The following ARL2BP variants were observed in gnomAD, a reference collection of about 807,000 sequenced individuals.
The protein encoded by ARL2BP is ADP-ribosylation factor-like protein 2-binding protein.
ARL2BP carries 19 observed loss-of-function variants against 24.2 expected under a neutral mutation model. The ratio of observed to expected loss-of-function variants is 0.79; its 90% confidence interval spans 0.55 to 1.15. ARL2BP has a LOEUF of 1.15. Ranked by LOEUF, ARL2BP falls within the 50% of genes most tolerant of loss-of-function variation. ARL2BP has a pLI of 0.00. For synonymous variants in ARL2BP, 56 were observed against 70.5 expected (o/e 0.79, Z 1.03); for missense variants, 160 against 190.4 (o/e 0.84, Z 0.94).
rs1254641904 is a variant in ARL2BP at position 57,252,181 on chromosome 16, G to A, written c.406G>A (p.Gly136Arg). 17 of 1,614,140 alleles carry A rather than the reference G, an allele frequency of 1.1e-5. No homozygotes were observed. Among genetic ancestry groups the A allele is most frequent in the Admixed American group, 1.7e-5 (1 of 60,018 alleles). ...TCTCATATAGGAAAAAGAAGGCCGA[G>A]GACTGGACTTAAGCAGTGGCTTAGT... is the stretch of plus-strand genomic sequence containing the variant. ...LDYRAEKEGR[G>R]LDLSSGLVVT... is the part of the protein sequence containing the mutation. The change falls in exon 6 of 6, where the codon GGA becomes AGA. Residue 136 changes from glycine (G) to arginine (R), a missense_variant. Transcript: ENST00000219204.
intron 3 of ARL2BP, chr16:57,249,461 C>T (rs932976476): frequency 2.9e-6 from 1 of 345,670 alleles, no homozygotes; most frequent in Non-Finnish European, 5.3e-6. Context: ...GGAGGCAAAG[C>T]CCCCACTTAC....
Position 57,249,504 on chromosome 16 carries a change from C to T in ARL2BP, c.208-263C>T, listed in dbSNP as rs1229826753. ...TGCACTGGGTTGTGGGTGTGGGTAC[C>T]GTGCTACTCACTGTCTCCACCTGTG... On this transcript the variant is annotated intron_variant, in intron 3 of 5. Coordinates refer to ENST00000219204, the MANE Select transcript of ARL2BP (RefSeq NM_012106.4). 2.7e-5 allele frequency: 13 copies of T among 475,240 alleles called. No individual in the cohort carries two copies. The Admixed American group carries it at 3.9e-4, about 14-fold the overall frequency. 29.4% of individuals were successfully genotyped at this position (475,240 alleles called of 1,614,324 possible).
chr16:57,249,948 G>C, intron 4 of ARL2BP, 96 bp downstream of exon 4: 1 of 1,142,264 alleles, frequency 8.8e-7, no homozygotes, highest in East Asian at 2.3e-5. Context: ...TTGTTTTCCT[G>C]TGCATGCCGT....
At chr16:57,250,290 TA>T in intron 4 of ARL2BP, 120 bp from the exon 5 acceptor site, 3 of 836,108 alleles carry the variant, frequency 3.6e-6, no homozygotes, top group Non-Finnish European at 5.7e-6. Context: ...ACCCAGTCTC[TA>T]AAAAAACAAA....
At chr16:57,246,273 C>A in intron 2 of ARL2BP, 132 bp downstream of exon 2, 1 of 854,162 alleles carries the variant, frequency 1.2e-6, no homozygotes, top group Non-Finnish European at 1.9e-6. Context: ...CAATGTAATA[C>A]TTAAGTAAAG....
At chr16:57,249,961 G>A (rs943028520) in intron 4 of ARL2BP, 109 bp downstream of exon 4, 58 of 999,308 alleles carry the variant, frequency 5.8e-5, no homozygotes, top group Non-Finnish European at 2.2e-5. Context: ...CATGCCGTTG[G>A]TGGTTAGGTC....
At position 57,249,809 on chromosome 16, in the gene ARL2BP, C is replaced by T. The variant is rs150513555; in HGVS notation, c.250C>T (p.Arg84Trp). ...EKYIEEQLLQ[R>W]IPEFNMAAFT... The stretch of plus-strand genomic sequence containing the variant: ...ATACATTGAAGAACAGCTGCTGCAG[C>T]GGATTCCTGAGTTCAACATGGCAGC... Residue 84 changes from arginine (R) to tryptophan (W), a missense_variant, in exon 4 of 6, where the codon CGG becomes TGG. Physicochemically the swap from Arg to Trp is moderately radical, Grantham distance 101. Coordinates refer to ENST00000219204, the MANE Select transcript of ARL2BP (RefSeq NM_012106.4). 78 of 1,614,094 alleles carry T rather than the reference C, an allele frequency of 4.8e-5. No individual in the cohort carries two copies. The Middle Eastern group carries it at 1.2e-3, about 24-fold the overall frequency.
chr16:57,251,940 G>T, intron 5 of ARL2BP: 1 of 473,920 alleles, frequency 2.1e-6, no homozygotes, highest in Admixed American at 3.6e-5. Flanking sequence ...ACTCCAGCCT[G>T]GGTGACAGAG....
intron 2 of ARL2BP, among the ~76,000 whole-genome samples, chr16:57,248,089 A>AGAT (rs1323360140): frequency 1.3e-5 from 2 of 151,966 alleles, no homozygotes; most frequent in African/African-American, 2.4e-5. Context: ...GGAGGCAGGC[A>AGAT]GATCACCTGA....
At chr16:57,248,414 G>C in intron 2 of ARL2BP, 123 bp from the exon 3 acceptor site, 1 of 488,550 alleles carries the variant, frequency 2.0e-6, no homozygotes, top group East Asian at 3.3e-5. Context: ...TAAAACATCA[G>C]CTTTCCTTCC....
intron 1 of ARL2BP, chr16:57,245,747 C>T (rs1307806740): frequency 5.9e-6 from 3 of 512,190 alleles, no homozygotes; most frequent in African/African-American, 2.0e-5. Flanking sequence ...TCCCGGACTC[C>T]TGACCAAATG....
intron 4 of ARL2BP, 129 bp from the exon 5 acceptor site, chr16:57,250,282 C>G (rs2146430215): frequency 1.3e-6 from 1 of 752,508 alleles, no homozygotes; most frequent in African/African-American, 1.7e-5. Context: ...AGAGCAAGAC[C>G]CAGTCTCTAA....
chr16:57,248,372 T>A, intron 2 of ARL2BP, 165 bp from the exon 3 acceptor site: 1 of 388,540 alleles, frequency 2.6e-6, no homozygotes. Flanking sequence ...GATTGGGCTA[T>A]TTCCACATCA....
rs1366116324 is a variant in ARL2BP at position 57,253,333 on chromosome 16, G to A, written c.*1066G>A. 1 of 152,208 alleles carries A rather than the reference G, an allele frequency of 6.6e-6. No individual in the cohort carries two copies. Among genetic ancestry groups the A allele is most frequent in the African/African-American group, 2.4e-5 (1 of 41,458 alleles). 9.4% of individuals were successfully genotyped at this position (152,208 alleles called of 1,614,324 possible). ...CAGCCCAGCATGAGTAGCAGGTAGA[G>A]CACAGCTTTACTGGCTGTTTGTATG... On this transcript the variant is annotated 3_prime_UTR_variant, in exon 6 of 6. Coordinates refer to ENST00000219204, the MANE Select transcript of ARL2BP (RefSeq NM_012106.4).
chr16:57,245,452 G>A (rs1406308026), intron 1 of ARL2BP, 47 bp downstream of exon 1: 7 of 1,593,262 alleles, frequency 4.4e-6, no homozygotes, highest in East Asian at 4.5e-5. Flanking sequence ...CGGAGGCAGC[G>A]GGCGTTCGCC....
Position 57,248,619 on chromosome 16 carries a change from C to A in ARL2BP, c.183C>A (p.Ile61=). The A allele has an allele frequency of 6.3e-7, 1 of 1,591,398 alleles. No individual in the cohort carries two copies. The highest frequency in any genetic ancestry group is 1.2e-5 in the South Asian group (1 of 86,838). The change falls in exon 3 of 6, where the codon ATC becomes ATA. Residue 61 remains isoleucine (I), a synonymous_variant. Transcript: ENST00000219204. ...EFEDTEENKL[I]YTPIFNEYIS... is the part of the protein sequence containing the mutation. ...AAGACACAGAAGAGAATAAACTCAT[C>A]TACACACCTATTTTTAATGAATACG...
At chr16:57,252,099 C>A in intron 5 of ARL2BP, 67 bp from the exon 6 acceptor site, 1 of 1,441,934 alleles carries the variant, frequency 6.9e-7, no homozygotes, top group Non-Finnish European at 9.7e-7. Flanking sequence ...CTGCCTTCCC[C>A]ATGTCAGAGG....
Position 57,245,758 on chromosome 16 carries a change from A to AC in ARL2BP, c.39-314dup, listed in dbSNP as rs1174514858. 4.0e-3 allele frequency: 1,832 copies of AC among 455,750 alleles called. 2 individuals are homozygous for AC. The highest frequency in any genetic ancestry group is 6.7e-3 in the African/African-American group (324 of 48,262). The allele number at this position is 455,750 out of a possible 1,614,324, so 28.2% of individuals were successfully genotyped here. The stretch of plus-strand genomic sequence containing the variant: ...CGCCTCCCGGACTCCTGACCAAATG[A>AC]CCCCCCCCGGCAGGTGTTTCGCCCG... On this transcript the variant is annotated intron_variant, in intron 1 of 5. Coordinates refer to ENST00000219204, the MANE Select transcript of ARL2BP (RefSeq NM_012106.4).
Position 57,246,088 on chromosome 16 carries a change from C to T in ARL2BP, c.47C>T (p.Ala16Val). 1.2e-6 allele frequency: 2 copies of T among 1,614,102 alleles called. No homozygotes were observed. The highest frequency in any genetic ancestry group is 1.7e-5 in the Admixed American group (1 of 60,018). Residue 16 changes from alanine (A) to valine (V), a missense_variant, in exon 2 of 6, where the codon GCC (alanine) becomes GTC (valine). Physicochemically the swap from Ala to Val is moderately conservative, Grantham distance 64 (BLOSUM62 0). Coordinates refer to ENST00000219204, the MANE Select transcript of ARL2BP (RefSeq NM_012106.4). ...GESFALSFSSASDAEFDAVVG... is the reference protein window; with the variant it reads ...GESFALSFSSVSDAEFDAVVG... The stretch of plus-strand genomic sequence containing the variant: ...CCAGGCATGTTTTTCAGCTCCTCCG[C>T]CTCTGATGCAGAATTTGATGCTGTG...
Sources: gnomAD v4.1 joint callset for allele counts (sites outside exome capture counted in the v4.1 genomes callset) on GRCh38, gnomAD v4.1.1 for gene constraint, MANE v1.5 for transcripts, NCBI Gene and HGNC (gene_info 2026-07-23, HGNC 2026-07-21) for gene names.